NEBL: variants seen among roughly 807,000 people sequenced by gnomAD.
NEBL encodes nebulette.
Under a neutral mutation model 140.2 loss-of-function variants are expected in NEBL, and 122 were observed. The observed-to-expected ratio is 0.87, with a 90% CI of 0.75 to 1.01. The LOEUF is 1.01. Among genes scored for constraint, NEBL ranks in the 50% least tolerant of loss-of-function variants. The pLI, the probability that NEBL is intolerant of heterozygous loss-of-function variation, is 0.00. For missense variants in NEBL, 1,365 were observed against 1,231.3 expected (o/e 1.11, Z -1.62); for synonymous variants, 436 against 398.9 (o/e 1.09, Z -1.11).
rs141498166 is a variant in NEBL at position 20,931,709 on chromosome 10, C to T, written c.357+29963G>A. 4.6e-4 allele frequency among the ~76,000 whole-genome samples: 70 copies of T among 152,184 alleles called. No homozygotes were observed. In the East Asian group the frequency reaches 5.0e-3, roughly 11 times the overall value. On this transcript the variant is annotated intron_variant, in intron 4 of 6. Coordinates refer to the NEBL transcript ENST00000417816. Reference sequence around the variant, plus strand: ...TTAGAGCCACCTGACATGACATGGACGAGGGTCTCAACAGTGACCACCAAG... The same window carrying T: ...TTAGAGCCACCTGACATGACATGGATGAGGGTCTCAACAGTGACCACCAAG...
upstream of NEBL, among the ~76,000 whole-genome samples, chr10:21,175,745 G>T: frequency 6.6e-6 from 1 of 152,136 alleles, no homozygotes; most frequent in East Asian, 1.9e-4. Context: ...AGGATCAGCT[G>T]TCTTTTAAAA....
chr10:20,821,292 T>C (rs1420360229), intron 19 of NEBL, among the ~76,000 whole-genome samples: 1 of 152,194 alleles, frequency 6.6e-6, no homozygotes, highest in Non-Finnish European at 1.5e-5. Context: ...AATACTCTTA[T>C]CCTTGCTTTA....
At chr10:21,280,119 A>G (rs1191349294) in intron 1 of NEBL, among the ~76,000 whole-genome samples, 1 of 152,170 alleles carries the variant, frequency 6.6e-6, no homozygotes, top group African/African-American at 2.4e-5. Flanking sequence ...GATCTTGCAG[A>G]TTAGGGTCAC....
intron 2 of NEBL, chr10:21,113,149 AT>A: frequency 3.5e-6 from 1 of 288,652 alleles, no homozygotes; most frequent in Non-Finnish European, 6.6e-6. Context: ...GGAGGAGGAG[AT>A]TTTGATGATG....
At chr10:20,804,487 A>T (rs1837427222) in intron 26 of NEBL, 1 of 152,218 alleles carries the variant, frequency 6.6e-6, no homozygotes, top group African/African-American at 2.4e-5. Context: ...TTATTTCAAC[A>T]TTAGCAGAAA....
At chr10:21,286,988 A>G (rs1444904112) in intron 1 of NEBL, among the ~76,000 whole-genome samples, 1 of 152,214 alleles carries the variant, frequency 6.6e-6, no homozygotes, top group Non-Finnish European at 1.5e-5. Flanking sequence ...GGTACAGACC[A>G]GAGGATTATT....
intron 1 of NEBL, among the ~76,000 whole-genome samples, chr10:21,286,227 A>T (rs977245238): frequency 1.3e-5 from 2 of 152,198 alleles, no homozygotes; most frequent in African/African-American, 4.8e-5. Flanking sequence ...TGGGAGCAGC[A>T]TATTTGGTTT....
At chr10:21,234,577 G>C (rs1005147453) in intron 3 of NEBL, among the ~76,000 whole-genome samples, 1 of 152,084 alleles carries the variant, frequency 6.6e-6, no homozygotes, top group South Asian at 2.1e-4. Context: ...TGTTCCTTTA[G>C]AGCAGTGTAA....
At chr10:20,833,217 T>G (rs1840582448) in intron 14 of NEBL, among the ~76,000 whole-genome samples, 1 of 152,184 alleles carries the variant, frequency 6.6e-6, no homozygotes, top group Non-Finnish European at 1.5e-5. Flanking sequence ...CAAACCCTAA[T>G]GCAGAAGTGT....
chr10:20,901,932 C>T (rs1847889538), upstream of NEBL, among the ~76,000 whole-genome samples: 1 of 152,264 alleles, frequency 6.6e-6, no homozygotes, highest in South Asian at 2.1e-4. Flanking sequence ...GACAATTTGT[C>T]TCCTTTATAA....
chr10:20,960,727 A>G (rs1239817415), intron 4 of NEBL, among the ~76,000 whole-genome samples: 1 of 152,084 alleles, frequency 6.6e-6, no homozygotes. Context: ...ACACACATAT[A>G]TACATGTATA....
chr10:21,162,874 G>A lies in NEBL; in HGVS notation c.164+9509C>T, dbSNP rs555966793. ...ATCAAAGTCACTCCAATGCCAGAGG[G>A]CATAAGAACAGCATGAGTAAAGGGT... On this transcript the variant is annotated intron_variant, in intron 2 of 6. Transcript: ENST00000417816. Among the ~76,000 whole-genome samples the A allele has an allele frequency of 2.0e-5, 3 of 152,330 alleles. No individual in the cohort carries two copies. The South Asian group carries it at 6.2e-4, about 32-fold the overall frequency.
intron 3 of NEBL, among the ~76,000 whole-genome samples, chr10:21,016,182 C>G (rs1010543109): frequency 9.2e-5 from 14 of 152,244 alleles, no homozygotes; most frequent in Non-Finnish European, 1.5e-4. Context: ...TCCCTCTCTT[C>G]CTCTTGACTG....
rs111709959 is a variant in NEBL, at chr10:20,946,267, A to G, written c.357+15405T>C. On this transcript the variant is annotated intron_variant, in intron 4 of 6. Transcript: ENST00000417816. ...TCTGCACATGGAAATTGGATTTTCA[A>G]ATAATCTTTTCATCTTTTCAGGAGC... 4.8e-3 allele frequency among the ~76,000 whole-genome samples: 731 copies of G among 152,300 alleles called. 7 individuals carry two copies. The highest frequency in any genetic ancestry group is 0.017 in the African/African-American group (709 of 41,566).
chr10:21,146,457 T>C, intron 2 of NEBL: 2 of 1,613,944 alleles, frequency 1.2e-6, no homozygotes, highest in Non-Finnish European at 1.7e-6. Flanking sequence ...TCTTCAGAAA[T>C]TTCAGGTGCC....
chr10:21,009,216 T>C (rs10828174), intron 3 of NEBL, among the ~76,000 whole-genome samples: 27,462 of 152,182 alleles, frequency 0.18, 4,024 homozygotes, highest in East Asian at 0.54. Flanking sequence ...TAATTAAAAA[T>C]AGAATGGAAT....
chr10:20,942,027 A>G (rs1834898584), intron 4 of NEBL, among the ~76,000 whole-genome samples: 1 of 152,226 alleles, frequency 6.6e-6, no homozygotes, highest in Admixed American at 6.5e-5. Flanking sequence ...GGTAATTTGT[A>G]GATTCAATGC....
chr10:20,795,898 C>T (rs1229042479), intron 26 of NEBL, among the ~76,000 whole-genome samples: 1 of 152,154 alleles, frequency 6.6e-6, no homozygotes, highest in Admixed American at 6.5e-5. Context: ...CCATTTTCTT[C>T]CCCAAATATA....
At chr10:21,072,811 T>C (rs567454999) in intron 2 of NEBL, among the ~76,000 whole-genome samples, 9 of 152,170 alleles carry the variant, frequency 5.9e-5, no homozygotes, top group Non-Finnish European at 1.2e-4. Context: ...GCCAACATGA[T>C]AAAACTCCGT....
Sources: allele counts gnomAD v4.1 joint callset (sites outside exome capture counted in the v4.1 genomes callset), GRCh38; gene constraint gnomAD v4.1.1; transcripts MANE v1.5; gene names NCBI Gene and HGNC (gene_info 2026-07-23, HGNC 2026-07-21).